Variants in KAZN observed in about 807,000 individuals in gnomAD.
KAZN encodes the protein kazrin, periplakin interacting protein.
KAZN carries 40 observed loss-of-function variants against 87.4 expected under a neutral mutation model. The observed-to-expected ratio is 0.46, with a 90% confidence interval of 0.36 to 0.60. KAZN has a LOEUF of 0.60. Ranked by LOEUF, KAZN falls within the 20% of genes least tolerant of loss-of-function variation. The pLI is 0.00. For synonymous variants in KAZN, 466 were observed against 458.3 expected (o/e 1.02, Z -0.22); for missense variants, 898 against 1,073.9 (o/e 0.84, Z 2.29).
intron 1 of KAZN, among the ~76,000 whole-genome samples, chr1:14,083,971 T>C (rs1643772452): frequency 6.6e-6 from 1 of 152,198 alleles, no homozygotes; most frequent in Non-Finnish European, 1.5e-5. Context: ...TGTAGTACAG[T>C]TGGAAGCAGA....
At chr1:14,283,830 A>G (rs1653033940) in intron 2 of KAZN, among the ~76,000 whole-genome samples, 2 of 152,198 alleles carry the variant, frequency 1.3e-5, no homozygotes, top group African/African-American at 4.8e-5. Context: ...ATTTCTCATT[A>G]TAGGCAACGA....
intron 1 of KAZN, among the ~76,000 whole-genome samples, chr1:14,760,420 A>T (rs1644707500): frequency 6.6e-6 from 1 of 152,234 alleles, no homozygotes; most frequent in Non-Finnish European, 1.5e-5. Flanking sequence ...ATAAGGTCTA[A>T]GGAGGTACTT....
intron 2 of KAZN, among the ~76,000 whole-genome samples, chr1:14,994,109 T>C (rs1355539624): frequency 1.3e-5 from 2 of 152,222 alleles, no homozygotes; most frequent in African/African-American, 4.8e-5. Context: ...AGGTCCCCTC[T>C]GCAAGCCATC....
intron 2 of KAZN, among the ~76,000 whole-genome samples, chr1:14,273,343 C>T (rs1322898246): frequency 6.6e-6 from 1 of 152,002 alleles, no homozygotes; most frequent in Non-Finnish European, 1.5e-5. Context: ...GAAGATGGTT[C>T]ATTACCTAAT....
At chr1:14,088,985 C>T (rs1293688537) in intron 1 of KAZN, among the ~76,000 whole-genome samples, 1 of 148,030 alleles carries the variant, frequency 6.8e-6, no homozygotes, top group Non-Finnish European at 1.5e-5. Context: ...TGGTTGCATG[C>T]CTTACCATTT....
At chr1:14,429,201 T>C (rs1257488803) in intron 2 of KAZN, among the ~76,000 whole-genome samples, 1 of 152,168 alleles carries the variant, frequency 6.6e-6, no homozygotes, top group Non-Finnish European at 1.5e-5. Context: ...GGTCATCTCC[T>C]AAGAATAGCA....
rs35829534 is a variant in KAZN at position 14,660,527 on chromosome 1, TTC to T, written c.226+61318_226+61319del. ...GAAAATATTCTTTATCTCTCCAAGT[TTC>T]TCTCTCTCTCTCTTTTTTTTTTTTT... is the stretch of plus-strand genomic sequence containing the variant. On this transcript the variant is annotated intron_variant, in intron 1 of 14. Coordinates refer to ENST00000376030, the MANE Select transcript of KAZN (RefSeq NM_201628.3). 5.9e-4 allele frequency among the ~76,000 whole-genome samples: 71 copies of T among 120,064 alleles called. No individual in the cohort carries two copies. The East Asian group carries it at 0.011, about 18-fold the overall frequency. The allele number at this position is 120,064 out of a possible 152,430, so 78.8% of individuals were successfully genotyped here.
intron 1 of KAZN, among the ~76,000 whole-genome samples, chr1:14,912,917 C>T (rs1002967120): frequency 1.3e-5 from 2 of 152,158 alleles, no homozygotes; most frequent in African/African-American, 2.4e-5. Context: ...AAGCCCTTCT[C>T]TCATAGGGCA....
chr1:14,546,100 G>A (rs906331077), intron 2 of KAZN, among the ~76,000 whole-genome samples: 11 of 152,208 alleles, frequency 7.2e-5, no homozygotes, highest in South Asian at 4.1e-4. Context: ...AAATGCCAAC[G>A]ATGTGAAAAA....
Position 15,066,602 on chromosome 1 carries a change from G to T in KAZN, c.1222+849G>T, listed in dbSNP as rs773818831. ...GAAAATTGTTTCATTTAATTTATTT[G>T]CACAAATGCTGAAAACTTATTCTAT... On this transcript the variant is annotated intron_variant, in intron 8 of 14. Transcript: ENST00000376030. This position sits in a 1 kb window ranked among gnomAD's most constrained non-coding sequence, Gnocchi z 4.3. 9.7e-5 allele frequency: 95 copies of T among 982,528 alleles called. No individual in the cohort carries two copies. Among genetic ancestry groups the T allele is most frequent in the South Asian group, 4.7e-4 (10 of 21,190 alleles). 60.9% of individuals were successfully genotyped at this position (982,528 alleles called of 1,614,324 possible). A position where few individuals can be genotyped will look rare whatever the true frequency, so the allele number is the denominator to read the frequency against.
Position 15,024,585 on chromosome 1 carries a change from T to C in KAZN, c.419-10164T>C, listed in dbSNP as rs554388259. Among the ~76,000 whole-genome samples the C allele has an allele frequency of 2.6e-5, 4 of 152,290 alleles. 1 individual carries two copies. Among genetic ancestry groups the C allele is most frequent in the African/African-American group, 9.6e-5 (4 of 41,568 alleles). On this transcript the variant is annotated intron_variant, in intron 2 of 14. Coordinates refer to ENST00000376030, the MANE Select transcript of KAZN (RefSeq NM_201628.3). ...GAACTCAGATGGTCCGAGGAGCCTC[T>C]TGTAGAAAAGGGGAGGCCTCAGTTT...
In KAZN at chr1:14,117,195, G is replaced by C. The variant is rs558904761; in HGVS notation, c.92-63240G>C. Among the ~76,000 whole-genome samples the C allele has an allele frequency of 1.6e-4, 25 of 152,252 alleles. No individual in the cohort carries two copies. The South Asian group carries it at 5.2e-3, about 32-fold the overall frequency. On this transcript the variant is annotated intron_variant, in intron 1 of 16. Transcript: ENST00000636203. The stretch of plus-strand genomic sequence containing the variant: ...TATGTGAGGACATGAGATTTGGGAG[G>C]GGCCGAGGTGGAATGATATGGTTTG...
At chr1:14,934,773 A>G (rs942440080) in intron 1 of KAZN, among the ~76,000 whole-genome samples, 4 of 152,206 alleles carry the variant, frequency 2.6e-5, no homozygotes, top group Admixed American at 6.5e-5. Flanking sequence ...GCCAGTATCC[A>G]TCTAAATACT....
intron 1 of KAZN, among the ~76,000 whole-genome samples, chr1:14,845,653 T>C (rs112651523): frequency 1.4e-3 from 217 of 152,288 alleles, no homozygotes; most frequent in African/African-American, 5.0e-3. Flanking sequence ...GGATTGTAGT[T>C]TCCCAGATTG....
At chr1:14,154,749 A>C (rs1645551550) in intron 1 of KAZN, among the ~76,000 whole-genome samples, 1 of 152,200 alleles carries the variant, frequency 6.6e-6, no homozygotes, top group South Asian at 2.1e-4. Flanking sequence ...CCATTGAAAT[A>C]ATTATATGGT....
chr1:14,614,870 A>G (rs1162344554), intron 1 of KAZN, among the ~76,000 whole-genome samples: 1 of 152,232 alleles, frequency 6.6e-6, no homozygotes, highest in African/African-American at 2.4e-5. Context: ...TCTGGAGTCC[A>G]TTGCCAAGTG....
chr1:14,208,633 T>C (rs967044464), intron 2 of KAZN, among the ~76,000 whole-genome samples: 1 of 152,348 alleles, frequency 6.6e-6, no homozygotes, highest in Non-Finnish European at 1.5e-5. Flanking sequence ...GAATGTCTTC[T>C]TAATGTCCTG....
intron 2 of KAZN, among the ~76,000 whole-genome samples, chr1:14,441,779 T>C (rs928197195): frequency 5.3e-5 from 8 of 152,186 alleles, no homozygotes; most frequent in African/African-American, 1.9e-4. Context: ...ATGCTCACAT[T>C]AAATATACTT....
intron 2 of KAZN, among the ~76,000 whole-genome samples, chr1:14,475,439 A>T (rs1364229434): frequency 6.6e-6 from 1 of 152,206 alleles, no homozygotes; most frequent in Non-Finnish European, 1.5e-5. Context: ...CACAGTAGTC[A>T]TTGTTATTCA....
Sources: gnomAD v4.1 joint callset for allele counts (sites outside exome capture counted in the v4.1 genomes callset) on GRCh38, gnomAD v4.1.1 for gene constraint, Gnocchi (gnomAD v3.1) non-coding constraint, MANE v1.5 for transcripts, NCBI Gene and HGNC (gene_info 2026-07-23, HGNC 2026-07-21) for gene names.